The following CBLB variants were observed in gnomAD, a reference collection of about 807,000 sequenced individuals.
The protein encoded by CBLB is Cbl proto-oncogene B, also known as E3 ubiquitin-protein ligase CBL-B.
In CBLB, 31 loss-of-function variants were observed where a neutral mutation model predicts 104.9. That is an observed-to-expected ratio of 0.30 (90% CI 0.22 to 0.40). The LOEUF (loss-of-function observed/expected upper bound fraction) is 0.40. Ranked by LOEUF, CBLB falls within the 10% of genes least tolerant of loss-of-function variation. The pLI, the probability that CBLB is intolerant of heterozygous loss-of-function variation, is 1.00. For missense variants in CBLB, 1,062 were observed against 1,214.6 expected (o/e 0.87, Z 1.87); for synonymous variants, 440 against 422.6 (o/e 1.04, Z -0.51).
chr3:105,773,586 T>C (rs2079113485), intron 4 of CBLB, among the ~76,000 whole-genome samples: 1 of 152,200 alleles, frequency 6.6e-6, no homozygotes, highest in South Asian at 2.1e-4. Context: ...CAGAGTCTAA[T>C]CACATTGATG....
chr3:105,758,292 G>C (rs2077261865), intron 4 of CBLB, among the ~76,000 whole-genome samples: 1 of 152,146 alleles, frequency 6.6e-6, no homozygotes, highest in Admixed American at 6.5e-5. Flanking sequence ...TAGTTACCAA[G>C]GATATTCATA....
chr3:105,735,503 T>C (rs1197171695), intron 8 of CBLB, among the ~76,000 whole-genome samples: 1 of 152,242 alleles, frequency 6.6e-6, no homozygotes, highest in African/African-American at 2.4e-5. Flanking sequence ...AGAGTATTTA[T>C]GAGTAATTTA....
rs189289913 is a variant in CBLB at position 105,792,829 on chromosome 3, G to T, written c.420-16287C>A. On this transcript the variant is annotated intron_variant, in intron 3 of 18. Transcript: ENST00000394030. Reference sequence around the variant, plus strand: ...TCCATCAATCACCATTAACCTCTGAGATTCCTAAATGCAAACAATCCATCT... The same window carrying T: ...TCCATCAATCACCATTAACCTCTGATATTCCTAAATGCAAACAATCCATCT... Among the ~76,000 whole-genome samples the T allele has an allele frequency of 2.0e-3, 303 of 152,254 alleles. 2 individuals are homozygous for T. Among genetic ancestry groups the T allele is most frequent in the African/African-American group, 7.1e-3 (294 of 41,532 alleles).
intron 3 of CBLB, among the ~76,000 whole-genome samples, chr3:105,852,206 T>C (rs552963642): frequency 1.3e-5 from 2 of 152,266 alleles, no homozygotes; most frequent in East Asian, 1.9e-4. Context: ...GATAGCTCCA[T>C]GCATGTTATT....
chr3:105,702,501 T>TAAAAAAAAAAAAAAAAAAA (rs1553727160), intron 11 of CBLB, 42 bp from the exon 12 acceptor site: 1 of 903,590 alleles, frequency 1.1e-6, no homozygotes. Context: ...AAAAAAAAAC[T>TAAAAAAAAAAAAAAAAAAA]AAAGGTTGTA....
chr3:105,774,397 C>T (rs1048785156), intron 4 of CBLB, among the ~76,000 whole-genome samples: 7 of 152,112 alleles, frequency 4.6e-5, no homozygotes, highest in Admixed American at 1.3e-4. Context: ...AATACTTTCT[C>T]CAATTATCTA....
At chr3:105,717,782 A>C (rs941345512) in intron 10 of CBLB, among the ~76,000 whole-genome samples, 5 of 152,198 alleles carry the variant, frequency 3.3e-5, no homozygotes, top group African/African-American at 1.2e-4. Flanking sequence ...ATAGTGATGA[A>C]ATGATTTCTA....
chr3:105,828,906 A>C (rs2086993395), intron 3 of CBLB, among the ~76,000 whole-genome samples: 1 of 152,216 alleles, frequency 6.6e-6, no homozygotes, highest in Admixed American at 6.5e-5. Flanking sequence ...CTACAAAGAC[A>C]GTTCAAGAAG....
At chr3:105,822,655 A>C (rs1221055436) in intron 3 of CBLB, among the ~76,000 whole-genome samples, 1 of 151,884 alleles carries the variant, frequency 6.6e-6, no homozygotes, top group Non-Finnish European at 1.5e-5. Context: ...TCTTCAATCT[A>C]CTCTACTACT....
intron 3 of CBLB, among the ~76,000 whole-genome samples, chr3:105,779,618 A>C (rs867452464): frequency 9.2e-5 from 14 of 152,130 alleles, no homozygotes; most frequent in Middle Eastern, 3.4e-3. Context: ...ATATTTATAG[A>C]GGTTGCAATC....
In CBLB at chr3:105,852,398, T is replaced by A. The variant is rs557933644; in HGVS notation, c.419+1016A>T. Among the ~76,000 whole-genome samples the A allele has an allele frequency of 8.8e-4, 134 of 152,230 alleles. 1 individual carries two copies. The highest frequency in any genetic ancestry group is 3.1e-3 in the African/African-American group (130 of 41,546). ...CTTAGTTTTTAAAAAGTTTATAAAA[T>A]TTTTTTTAAAACTTAATTTTTTAAC... is the stretch of plus-strand genomic sequence containing the variant. On this transcript the variant is annotated intron_variant, in intron 3 of 18. Transcript: ENST00000394030.
chr3:105,818,758 G>A (rs2085414513), intron 3 of CBLB, among the ~76,000 whole-genome samples: 1 of 152,076 alleles, frequency 6.6e-6, no homozygotes, highest in Non-Finnish European at 1.5e-5. Flanking sequence ...CAGAAAAATA[G>A]ATTGTGAAGA....
chr3:105,685,474 G>C lies in CBLB; in HGVS notation c.2055-8C>G. 1 of 1,610,832 alleles carries C rather than the reference G, an allele frequency of 6.2e-7. No individual in the cohort carries two copies. Among genetic ancestry groups the C allele is most frequent in the Non-Finnish European group, 8.5e-7 (1 of 1,177,672 alleles). ...GCTAACGGACCAGTACACCTACCAGGGGAAAAAAAATCCAATCTAGTTTAA... is the reference window on the plus strand; with the variant it reads ...GCTAACGGACCAGTACACCTACCAGCGGAAAAAAAATCCAATCTAGTTTAA... On this transcript the variant is annotated splice_polypyrimidine_tract_variant and splice_region_variant and intron_variant, in intron 13 of 18. Coordinates refer to ENST00000394030, the MANE Select transcript of CBLB (RefSeq NM_170662.5).
intron 6 of CBLB, among the ~76,000 whole-genome samples, chr3:105,743,878 AT>A (rs1349096738): frequency 3.3e-5 from 5 of 151,932 alleles, no homozygotes; most frequent in Non-Finnish European, 7.4e-5. Flanking sequence ...TATATTATTT[AT>A]TTCATCATTA....
At chr3:105,702,501 T>TAAAAAAAAAAA (rs1553727160) in intron 11 of CBLB, 42 bp from the exon 12 acceptor site, 1 of 903,576 alleles carries the variant, frequency 1.1e-6, no homozygotes, top group Non-Finnish European at 1.5e-6. Flanking sequence ...AAAAAAAAAC[T>TAAAAAAAAAAA]AAAGGTTGTA....
At chr3:105,682,039 T>C (rs1430410632) in intron 14 of CBLB, 8 of 514,826 alleles carry the variant, frequency 1.6e-5, no homozygotes, top group African/African-American at 5.7e-5. Flanking sequence ...TTTTAAACTA[T>C]AACCAAGAAT....
chr3:105,830,752 A>G (rs571968440), intron 3 of CBLB, among the ~76,000 whole-genome samples: 1 of 152,342 alleles, frequency 6.6e-6, no homozygotes, highest in South Asian at 2.1e-4. Flanking sequence ...CCTAATGTGA[A>G]GTACAATGTC....
chr3:105,757,601 T>C (rs567823377), intron 4 of CBLB, among the ~76,000 whole-genome samples: 10 of 152,346 alleles, frequency 6.6e-5, no homozygotes, highest in African/African-American at 2.4e-4. Flanking sequence ...ATTTGTGTAC[T>C]TTTCCCCATG....
At chr3:105,733,819 T>C (rs1194821865) in intron 9 of CBLB, among the ~76,000 whole-genome samples, 190 bp downstream of exon 9, 1 of 152,210 alleles carries the variant, frequency 6.6e-6, no homozygotes, top group African/African-American at 2.4e-5. Context: ...ATAAAATTTA[T>C]ACATTTAAAG....
Sources: gnomAD v4.1 joint callset for allele counts (sites outside exome capture counted in the v4.1 genomes callset) on GRCh38, gnomAD v4.1.1 for gene constraint, MANE v1.5 for transcripts, NCBI Gene and HGNC (gene_info 2026-07-23, HGNC 2026-07-21) for gene names.